SLC4A10: variants seen among roughly 807,000 people sequenced by gnomAD.
SLC4A10 encodes the protein solute carrier family 4 member 10, also known as sodium-driven chloride bicarbonate exchanger.
In SLC4A10, 42 loss-of-function variants were observed where a neutral mutation model predicts 137.7. That is an observed-to-expected ratio of 0.30 (90% CI 0.24 to 0.39). The LOEUF (loss-of-function observed/expected upper bound fraction) is 0.39, where lower values mean the gene tolerates loss of function less well. SLC4A10 is among the 10% of genes least tolerant of loss of function. The pLI is 1.00. For synonymous variants in SLC4A10, 474 were observed against 464.1 expected (o/e 1.02, Z -0.27); for missense variants, 925 against 1,355.0 (o/e 0.68, Z 4.98).
rs1028084973 is a variant in SLC4A10, at chr2:161,964,070, T to C, written c.2863-65T>C. The C allele has an allele frequency of 4.2e-6, 6 of 1,420,340 alleles. No homozygotes were observed. The Admixed American group carries it at 9.8e-5, about 23-fold the overall frequency. The allele number at this position is 1,420,340 out of a possible 1,614,324, so 88.0% of individuals were successfully genotyped here. On this transcript the variant is annotated intron_variant, in intron 21 of 26. Coordinates refer to ENST00000446997, the MANE Select transcript of SLC4A10 (RefSeq NM_001178015.2). ...CCAAAATTGTGGACCATATTAAACA[T>C]CAACTTGTCCTACTTTTATTGTTGT...
At chr2:161,891,942 G>A (rs913682007) in intron 10 of SLC4A10, among the ~76,000 whole-genome samples, 1 of 151,902 alleles carries the variant, frequency 6.6e-6, no homozygotes. Context: ...TGAACCAATA[G>A]TCTAGTTTGA....
At chr2:161,742,822 A>G (rs985195094) in intron 1 of SLC4A10, among the ~76,000 whole-genome samples, 10 of 152,068 alleles carry the variant, frequency 6.6e-5, no homozygotes, top group Non-Finnish European at 1.0e-4. Context: ...GGATGACATG[A>G]TATCTCATCA....
At chr2:161,672,354 C>CA (rs1244645970) in intron 1 of SLC4A10, among the ~76,000 whole-genome samples, 2 of 151,678 alleles carry the variant, frequency 1.3e-5, no homozygotes, top group Admixed American at 1.3e-4. Flanking sequence ...TTTAAAAAAA[C>CA]AAAAAAATTT....
intron 1 of SLC4A10, among the ~76,000 whole-genome samples, chr2:161,644,084 T>C (rs1269854153): frequency 1.4e-5 from 2 of 147,222 alleles, no homozygotes; most frequent in Admixed American, 1.4e-4. Context: ...TTTTTTTTTC[T>C]TTTTCTTAAC....
At position 161,893,639 on chromosome 2, in the gene SLC4A10, G is replaced by A. The variant is rs894786155; in HGVS notation, c.1195-1040G>A. ...AGCTTAAGCCTAGGAGTTCAAGGCT[G>A]CAGTGAGGTATGACTGTGCCACTGC... is the stretch of plus-strand genomic sequence containing the variant. On this transcript the variant is annotated intron_variant, in intron 10 of 26. Transcript: ENST00000446997. Among the ~76,000 whole-genome samples the A allele has an allele frequency of 5.3e-5, 8 of 152,144 alleles. No individual in the cohort carries two copies. The South Asian group carries it at 1.5e-3, about 28-fold the overall frequency.
intron 3 of SLC4A10, among the ~76,000 whole-genome samples, chr2:161,835,230 G>A (rs1226862480): frequency 6.6e-6 from 1 of 151,962 alleles, no homozygotes; most frequent in Non-Finnish European, 1.5e-5. Context: ...GTAGAGATGG[G>A]ATTTCACCAT....
chr2:161,776,025 T>C (rs576381084), intron 2 of SLC4A10, among the ~76,000 whole-genome samples: 73 of 151,982 alleles, frequency 4.8e-4, no homozygotes, highest in Middle Eastern at 6.8e-3. Flanking sequence ...TTTGAAAATA[T>C]TTTTATGTAG....
At chr2:161,657,452 G>A (rs944577896) in intron 1 of SLC4A10, among the ~76,000 whole-genome samples, 5 of 151,898 alleles carry the variant, frequency 3.3e-5, no homozygotes, top group Non-Finnish European at 5.9e-5. Flanking sequence ...GCTATTAGTT[G>A]AGTAAAGTTA....
intron 1 of SLC4A10, among the ~76,000 whole-genome samples, chr2:161,625,306 T>C (rs1016806542): frequency 6.6e-6 from 1 of 152,094 alleles, no homozygotes; most frequent in Admixed American, 6.6e-5. Context: ...GTGATGGATT[T>C]GCCTATCCTC....
intron 1 of SLC4A10, among the ~76,000 whole-genome samples, chr2:161,718,376 C>T (rs554745735): frequency 1.3e-5 from 2 of 152,024 alleles, no homozygotes; most frequent in African/African-American, 4.8e-5. Context: ...GTAAATAGTT[C>T]TTTCAGTTGT....
chr2:161,709,060 T>A (rs975236359), intron 1 of SLC4A10, among the ~76,000 whole-genome samples: 1 of 151,178 alleles, frequency 6.6e-6, no homozygotes, highest in African/African-American at 2.4e-5. Flanking sequence ...ACTTTAGCTT[T>A]TTGGGGGAGA....
intron 1 of SLC4A10, among the ~76,000 whole-genome samples, chr2:161,720,421 A>G (rs984705471): frequency 3.3e-5 from 5 of 152,084 alleles, no homozygotes; most frequent in African/African-American, 9.7e-5. Flanking sequence ...GTTTTTTTCC[A>G]ATTCTGTGAA....
chr2:161,908,475 T>C (rs1360164898), intron 15 of SLC4A10, among the ~76,000 whole-genome samples: 2 of 146,574 alleles, frequency 1.4e-5, no homozygotes, highest in Middle Eastern at 3.5e-3. Flanking sequence ...TTAGGAGATA[T>C]ACCTAATGCT....
chr2:161,626,928 A>C (rs2032510233), intron 1 of SLC4A10, among the ~76,000 whole-genome samples: 1 of 152,134 alleles, frequency 6.6e-6, no homozygotes, highest in South Asian at 2.1e-4. Context: ...CTTTGCAAAT[A>C]ATTTTGTGAG....
intron 2 of SLC4A10, among the ~76,000 whole-genome samples, chr2:161,797,975 T>C (rs1352348330): frequency 1.3e-5 from 2 of 152,052 alleles, no homozygotes; most frequent in African/African-American, 4.8e-5. Context: ...CAGGTAACTA[T>C]GACCAGCACT....
intron 11 of SLC4A10, among the ~76,000 whole-genome samples, chr2:161,898,477 AGT>A (rs1399006718): frequency 9.2e-5 from 14 of 152,168 alleles, no homozygotes; most frequent in African/African-American, 3.4e-4. Context: ...GAGTGAAATG[AGT>A]TAATATACAT....
intron 2 of SLC4A10, among the ~76,000 whole-genome samples, chr2:161,788,927 G>A (rs1166627121): frequency 6.6e-6 from 1 of 152,182 alleles, no homozygotes; most frequent in East Asian, 1.9e-4. Flanking sequence ...ATCCACAACA[G>A]TGCCTGCACT....
intron 2 of SLC4A10, among the ~76,000 whole-genome samples, chr2:161,783,021 A>G (rs150909035): frequency 1.3e-5 from 2 of 152,120 alleles, no homozygotes; most frequent in African/African-American, 4.8e-5. Context: ...AGAGATATCA[A>G]CACTAAGACA....
At chr2:161,778,384 A>G (rs937482769) in intron 2 of SLC4A10, among the ~76,000 whole-genome samples, 1 of 151,896 alleles carries the variant, frequency 6.6e-6, no homozygotes, top group Non-Finnish European at 1.5e-5. Flanking sequence ...ACATATCTAT[A>G]TGTCTTTGTT....
Sources: allele counts gnomAD v4.1 joint callset (sites outside exome capture counted in the v4.1 genomes callset), GRCh38; gene constraint gnomAD v4.1.1; transcripts MANE v1.5; gene names NCBI Gene and HGNC (gene_info 2026-07-23, HGNC 2026-07-21).